Variants in HADHA observed in about 807,000 individuals in gnomAD.
HADHA encodes hydroxyacyl-CoA dehydrogenase trifunctional multienzyme complex subunit alpha, also known as trifunctional enzyme subunit alpha, mitochondrial.
In HADHA, 59 loss-of-function variants were observed where a neutral mutation model predicts 91.3. That is an observed-to-expected ratio of 0.65 (90% confidence interval 0.52 to 0.80). The LOEUF (loss-of-function observed/expected upper bound fraction) is 0.80, where lower values mean the gene tolerates loss of function less well. Ranked by LOEUF, HADHA falls within the 30% of genes least tolerant of loss-of-function variation. The pLI, the probability that HADHA is intolerant of heterozygous loss-of-function variation, is 0.00. For missense variants in HADHA, 800 were observed against 927.6 expected, an observed-to-expected ratio of 0.86 and a Z score of 1.79; for synonymous variants, 320 against 338.9, an observed-to-expected ratio of 0.94 and a Z score of 0.61.
intron 5 of HADHA, among the ~76,000 whole-genome samples, chr2:26,233,942 A>G (rs1281550875): frequency 1.3e-5 from 2 of 152,168 alleles, no homozygotes; most frequent in Admixed American, 1.3e-4. Flanking sequence ...TTAGCTGGGC[A>G]TGGTGATGCA....
intron 13 of HADHA, among the ~76,000 whole-genome samples, chr2:26,198,726 T>C (rs1053512881): frequency 4.0e-5 from 6 of 151,732 alleles, no homozygotes; most frequent in African/African-American, 7.3e-5. Context: ...TTGGCAGTAT[T>C]TGTGATAAAG....
intron 13 of HADHA, among the ~76,000 whole-genome samples, chr2:26,199,931 A>G (rs1669786709): frequency 6.6e-6 from 1 of 152,160 alleles, no homozygotes. Flanking sequence ...CTTGAAATCA[A>G]TGGACTTAAG....
At chr2:26,228,797 G>A (rs1670543291) in intron 7 of HADHA, among the ~76,000 whole-genome samples, 1 of 151,924 alleles carries the variant, frequency 6.6e-6, no homozygotes, top group South Asian at 2.1e-4. Context: ...TCAGCCTCCT[G>A]ACTAGCTGGG....
rs1229659584 is a variant in HADHA at position 26,207,843 on chromosome 2, T to A, written c.1085+1937A>T. ...ATGCGTTATTCATATGAAAGATTAA[T>A]TTGTAAAGAGACAATAGATAAGGAA... On this transcript the variant is annotated intron_variant, in intron 11 of 19. Coordinates refer to ENST00000380649, the MANE Select transcript of HADHA (RefSeq NM_000182.5). 2.6e-5 allele frequency among the ~76,000 whole-genome samples: 4 copies of A among 152,328 alleles called. No homozygotes were observed. The East Asian group carries it at 5.8e-4, about 22-fold the overall frequency.
intron 13 of HADHA, among the ~76,000 whole-genome samples, chr2:26,198,847 C>G (rs1669752536): frequency 6.6e-6 from 1 of 151,494 alleles, no homozygotes; most frequent in Non-Finnish European, 1.5e-5. Flanking sequence ...GCCAGGAGTT[C>G]AAGACCAACC....
At chr2:26,231,828 G>A (rs2147780923) in intron 6 of HADHA, among the ~76,000 whole-genome samples, 1 of 152,140 alleles carries the variant, frequency 6.6e-6, no homozygotes, top group Non-Finnish European at 1.5e-5. Context: ...AATTAGCTGG[G>A]TGCAGTGGTG....
At position 26,231,103 on chromosome 2, in the gene HADHA, G is replaced by T. The variant is rs191179930; in HGVS notation, c.574-809C>A. Among the ~76,000 whole-genome samples the T allele has an allele frequency of 3.0e-3, 429 of 143,914 alleles. 3 individuals are homozygous for T. The highest frequency in any genetic ancestry group is 6.9e-3 in the Middle Eastern group (2 of 288). 94.4% of individuals were successfully genotyped at this position (143,914 alleles called of 152,430 possible). On this transcript the variant is annotated intron_variant, in intron 6 of 19. Coordinates refer to ENST00000380649, the MANE Select transcript of HADHA (RefSeq NM_000182.5). ...CATTCAAATACCAGCTATAGTTTAA[G>T]AAAAAAAAAAGAAGAAAGAAAGAAA...
chr2:26,241,540 A>G (rs12185614), intron 1 of HADHA, among the ~76,000 whole-genome samples: 127,129 of 151,686 alleles, frequency 0.84, 55,088 homozygotes, highest in Middle Eastern at 0.96. Flanking sequence ...AATCCCAGCT[A>G]CTCTGGAGGC....
Position 26,236,984 on chromosome 2 carries a change from T to A in HADHA, c.185A>T (p.Asn62Ile). 6.2e-7 allele frequency: 1 copy of A among 1,607,692 alleles called. No individual in the cohort carries two copies. ...VRINSPNSKVNTLSKELHSEF... is the reference protein window; with the variant it reads ...VRINSPNSKVITLSKELHSEF... ...TGAATGTAGCTCTTTACTCAGTGTA[T>A]TTACCTGCCAAAGGGAAATATATAC... is the stretch of plus-strand genomic sequence containing the variant. The change falls in exon 4 of 20, where the codon AAT (asparagine) becomes ATT (isoleucine). Residue 62 changes from asparagine to isoleucine, a missense_variant. By Grantham distance (149) the Asn-to-Ile change is moderately radical (BLOSUM62 -3). Coordinates refer to ENST00000380649, the MANE Select transcript of HADHA (RefSeq NM_000182.5).
chr2:26,220,511 G>A (rs540665564), intron 7 of HADHA, among the ~76,000 whole-genome samples: 5 of 152,314 alleles, frequency 3.3e-5, no homozygotes, highest in Admixed American at 6.5e-5. Flanking sequence ...TGCCTACTCT[G>A]GACAGTGCAG....
chr2:26,216,093 C>A (rs968869284), intron 7 of HADHA, among the ~76,000 whole-genome samples: 6 of 152,136 alleles, frequency 3.9e-5, no homozygotes, highest in African/African-American at 7.2e-5. Flanking sequence ...CATAGTGAGA[C>A]CCCACCTCTA....
chr2:26,195,480 C>A (rs1381613347), intron 14 of HADHA, among the ~76,000 whole-genome samples: 1 of 151,270 alleles, frequency 6.6e-6, no homozygotes, highest in East Asian at 1.9e-4. Context: ...ATCCTCCCAA[C>A]AATCAGTGCC....
rs146500488 is a variant in HADHA, at chr2:26,190,784, GCA to G, written c.*464_*465del. ...TCCCTAAGGTGCTGCCTAGAATTCT[GCA>G]CACACATTCTTACTCCCCCAAAGCA... On this transcript the variant is annotated 3_prime_UTR_variant, in exon 20 of 20. Coordinates refer to ENST00000380649, the MANE Select transcript of HADHA (RefSeq NM_000182.5). 802 of 252,156 alleles carry G rather than the reference GCA, an allele frequency of 3.2e-3. 4 individuals carry two copies. Among genetic ancestry groups the G allele is most frequent in the African/African-American group, 0.017 (774 of 44,686 alleles). The allele number at this position is 252,156 out of a possible 1,614,324, so 15.6% of individuals were successfully genotyped here.
chr2:26,204,287 C>G (rs1311079503), intron 11 of HADHA, 91 bp from the exon 12 acceptor site: 2 of 1,058,412 alleles, frequency 1.9e-6, no homozygotes, highest in Non-Finnish European at 3.0e-6. Flanking sequence ...AATAAACCAA[C>G]TAATGCAGGC....
At chr2:26,218,669 T>C (rs2147772404) in intron 7 of HADHA, among the ~76,000 whole-genome samples, 1 of 152,188 alleles carries the variant, frequency 6.6e-6, no homozygotes, top group South Asian at 2.1e-4. Flanking sequence ...GTATACAAAA[T>C]AAATGCATAC....
Position 26,212,572 on chromosome 2 carries a change from G to A in HADHA, c.973C>T (p.Gln325Ter). Residue 325 changes from glutamine to a stop codon, truncating the protein, a stop_gained and splice_region_variant, in exon 10 of 20, where the codon CAG (glutamine) becomes TAG (stop). Transcript: ENST00000380649. LOFTEE classifies it high-confidence loss of function. The stretch of plus-strand genomic sequence containing the variant: ...ACATTGAAAGGAAATAAGTTTACCT[G>A]AGATTCACAGAGATAACCGGCATCA... Reference protein sequence around the residue: ...GSDAGYLCESQKFGELVMTKE... With the variant: ...GSDAGYLCES 6.4e-7 allele frequency: 1 copy of A among 1,560,204 alleles called. No individual in the cohort carries two copies. Among genetic ancestry groups the A allele is most frequent in the Non-Finnish European group, 8.8e-7 (1 of 1,130,682 alleles).
chr2:26,194,712 G>A lies in HADHA; in HGVS notation c.1621-74C>T, dbSNP rs904380640. 6 of 949,404 alleles carry A rather than the reference G, an allele frequency of 6.3e-6. No homozygotes were observed. In the African/African-American group the frequency reaches 8.0e-5, roughly 13 times the overall value. 58.8% of individuals were successfully genotyped at this position (949,404 alleles called of 1,614,324 possible). ...GTCTGAAACACTCTACCTTTCCCAGGGTCACTTCAAAGTCATTTGAAAGTC... is the reference window on the plus strand; with the variant it reads ...GTCTGAAACACTCTACCTTTCCCAGAGTCACTTCAAAGTCATTTGAAAGTC... On this transcript the variant is annotated intron_variant, in intron 15 of 19. Coordinates refer to ENST00000380649, the MANE Select transcript of HADHA (RefSeq NM_000182.5).
At chr2:26,206,508 C>T (rs897206491) in intron 11 of HADHA, among the ~76,000 whole-genome samples, 9 of 152,084 alleles carry the variant, frequency 5.9e-5, no homozygotes, top group East Asian at 1.9e-4. Context: ...GGATTACAGG[C>T]GTAAGCCACC....
intron 11 of HADHA, among the ~76,000 whole-genome samples, chr2:26,205,236 T>G (rs76932254): frequency 0.016 from 2,391 of 152,294 alleles, 68 homozygotes; most frequent in African/African-American, 0.055. Context: ...AAGAATCTCT[T>G]CATAAAAGAA....
Sources: allele counts gnomAD v4.1 joint callset (sites outside exome capture counted in the v4.1 genomes callset), GRCh38; gene constraint gnomAD v4.1.1; transcripts MANE v1.5; gene names NCBI Gene and HGNC (gene_info 2026-07-23, HGNC 2026-07-21).